ADGRL1: variants seen among roughly 807,000 people sequenced by gnomAD.
ADGRL1 encodes the protein adhesion G protein-coupled receptor L1.
Under a neutral mutation model 148.9 loss-of-function variants are expected in ADGRL1, and 31 were observed. The observed-to-expected ratio is 0.21, with a 90% CI of 0.16 to 0.28. The LOEUF (loss-of-function observed/expected upper bound fraction) is 0.28. Ranked by LOEUF, ADGRL1 falls within the 10% of genes least tolerant of loss-of-function variation. The pLI, the probability that ADGRL1 is intolerant of heterozygous loss-of-function variation, is 1.00. For synonymous variants in ADGRL1, 937 were observed against 900.3 expected (o/e 1.04, Z -0.73); for missense variants, 1,521 against 2,058.8 (o/e 0.74, Z 5.05).
chr19:14,156,440 G>A (rs1403795428), intron 16 of ADGRL1, among the ~76,000 whole-genome samples: 3 of 152,020 alleles, frequency 2.0e-5, no homozygotes, highest in Admixed American at 1.3e-4. Context: ...CACACTAGGG[G>A]CTCAAATCAC....
chr19:14,155,560 C>T lies in ADGRL1; in HGVS notation c.3126-33G>A, dbSNP rs747221598. 5 of 1,610,048 alleles carry T rather than the reference C, an allele frequency of 3.1e-6. No homozygotes were observed. The East Asian group carries it at 6.7e-5, about 22-fold the overall frequency. On this transcript the variant is annotated intron_variant, in intron 17 of 22. Transcript: ENST00000361434. The surrounding 1 kb of genome is among the most constrained non-coding windows in gnomAD (Gnocchi z 5.0). ...TGGGGCGACAGGGGAGTCAAAGTAC[C>T]CGCCGGAGGGGACGGCCTCAGCCCA... is the stretch of plus-strand genomic sequence containing the variant.
intron 4 of ADGRL1, chr19:14,167,180 A>G (rs368952552): frequency 3.0e-5 from 22 of 733,318 alleles, no homozygotes; most frequent in African/African-American, 7.1e-5. Context: ...TGCTTCCCCA[A>G]CCCCTTCCGT....
Position 14,151,168 on chromosome 19 carries a change from G to C in ADGRL1, c.4115C>G (p.Ser1372Cys). ...EDGATSRPLS[S>C]PPGRDSLYAS... Reference sequence around the variant, plus strand: ...ATAGAGGGAGTCCCGGCCAGGAGGGGAGGAGAGGGGCCGGCTGGTGGCGCC... The same window carrying C: ...ATAGAGGGAGTCCCGGCCAGGAGGGCAGGAGAGGGGCCGGCTGGTGGCGCC... The change falls in exon 23 of 23, where the codon TCC becomes TGC. Residue 1372 changes from serine to cysteine, a missense_variant. Coordinates refer to ENST00000361434, the MANE Select transcript of ADGRL1 (RefSeq NM_014921.5). 6.2e-7 allele frequency: 1 copy of C among 1,609,212 alleles called. No individual in the cohort carries two copies. The highest frequency in any genetic ancestry group is 8.5e-7 in the Non-Finnish European group (1 of 1,178,736).
At chr19:14,166,002 G>A (rs1183265137) in intron 4 of ADGRL1, among the ~76,000 whole-genome samples, 5 of 151,990 alleles carry the variant, frequency 3.3e-5, no homozygotes, top group East Asian at 1.9e-4. Context: ...CAGCACCTCC[G>A]CTCCCCCCAA....
Position 14,159,837 on chromosome 19 carries a change from T to A in ADGRL1, c.1801-64A>T. The A allele has an allele frequency of 7.3e-7, 1 of 1,363,752 alleles. No individual in the cohort carries two copies. Among genetic ancestry groups the A allele is most frequent in the Non-Finnish European group, 1.0e-6 (1 of 952,438 alleles). 84.5% of individuals were successfully genotyped at this position (1,363,752 alleles called of 1,614,324 possible). On this transcript the variant is annotated intron_variant, in intron 8 of 22. Transcript: ENST00000361434. This position sits in a 1 kb window ranked among gnomAD's most constrained non-coding sequence, Gnocchi z 6.0. ...GGTGCCGGTTCCCTCACCCTAATAC[T>A]GTCACATCTGGATAGCTCTCTCGTC... is the stretch of plus-strand genomic sequence containing the variant.
Position 14,150,436 on chromosome 19 carries a change from G to A in ADGRL1, c.*437C>T, listed in dbSNP as rs545673893. On this transcript the variant is annotated 3_prime_UTR_variant, in exon 23 of 23. Coordinates refer to ENST00000361434, the MANE Select transcript of ADGRL1 (RefSeq NM_014921.5). ...TGCAGCCGGCAGCATTTCTGGCTGC[G>A]GAGAGGAGCAGCTAACAGGTTCCAT... 66 of 165,446 alleles carry A rather than the reference G, an allele frequency of 4.0e-4. No homozygotes were observed. The highest frequency in any genetic ancestry group is 2.9e-3 in the Middle Eastern group (1 of 342). The allele number at this position is 165,446 out of a possible 1,614,324, so 10.2% of individuals were successfully genotyped here.
At chr19:14,197,383 C>G (rs1005594902) in intron 1 of ADGRL1, among the ~76,000 whole-genome samples, 2 of 152,024 alleles carry the variant, frequency 1.3e-5, no homozygotes, top group African/African-American at 4.8e-5. Flanking sequence ...TCTCCCTCAT[C>G]TCCCCATCTA....
In ADGRL1 at chr19:14,151,361, C is replaced by G; in HGVS notation, c.3922G>C (p.Val1308Leu). ...TCTTCCTCGCCCCCGCCCCCTGGCA[C>G]AGGTGGCACAGGGGGCTCAGGCGGT... Reference protein sequence around the residue: ...PPPPEPPVPPVPGGGGEEEAG... With the variant: ...PPPPEPPVPPLPGGGGEEEAG... The change falls in exon 23 of 23, where the codon GTG becomes CTG. Residue 1308 changes from valine to leucine, a missense_variant. Val to Leu is a conservative substitution (Grantham distance 32). Coordinates refer to ENST00000361434, the MANE Select transcript of ADGRL1 (RefSeq NM_014921.5). 6.2e-7 allele frequency: 1 copy of G among 1,600,646 alleles called. No homozygotes were observed. Among genetic ancestry groups the G allele is most frequent in the Non-Finnish European group, 8.5e-7 (1 of 1,174,446 alleles).
At chr19:14,165,939 T>C (rs1400759667) in intron 4 of ADGRL1, among the ~76,000 whole-genome samples, 1 of 152,040 alleles carries the variant, frequency 6.6e-6, no homozygotes, top group Non-Finnish European at 1.5e-5. Context: ...CCCAAAACTT[T>C]CTGGAGAGGA....
chr19:14,181,200 C>G (rs1195436870), intron 2 of ADGRL1, among the ~76,000 whole-genome samples: 3 of 152,252 alleles, frequency 2.0e-5, no homozygotes, highest in Non-Finnish European at 4.4e-5. Flanking sequence ...GGGGACTTCC[C>G]TAACTTCACC....
intron 3 of ADGRL1, among the ~76,000 whole-genome samples, chr19:14,172,236 A>C (rs1461144934): frequency 6.6e-6 from 1 of 152,168 alleles, no homozygotes; most frequent in Non-Finnish European, 1.5e-5. Context: ...AGCCTGACCA[A>C]CATAGTGAAA....
intron 2 of ADGRL1, among the ~76,000 whole-genome samples, chr19:14,180,370 C>T (rs1339617920): frequency 6.6e-6 from 1 of 152,200 alleles, no homozygotes; most frequent in Non-Finnish European, 1.5e-5. Context: ...ATTCTCCTGC[C>T]TCAGCCTCCC....
chr19:14,185,444 C>A (rs552710506), intron 1 of ADGRL1, among the ~76,000 whole-genome samples: 21 of 152,282 alleles, frequency 1.4e-4, no homozygotes, highest in South Asian at 6.2e-4. Flanking sequence ...CAGGCTCTCG[C>A]CACCACGCCC....
chr19:14,152,185 G>C lies in ADGRL1; in HGVS notation c.3650-35C>G. 6.2e-7 allele frequency: 1 copy of C among 1,614,076 alleles called. No individual in the cohort carries two copies. Among genetic ancestry groups the C allele is most frequent in the Non-Finnish European group, 8.5e-7 (1 of 1,179,994 alleles). ...GCAGCCAGAAGAGAGAAGAGAAAAG[G>C]CAAGGATGAGCTCGAAATGCAAGTC... On this transcript the variant is annotated intron_variant, in intron 21 of 22. Coordinates refer to ENST00000361434, the MANE Select transcript of ADGRL1 (RefSeq NM_014921.5). This position sits in a 1 kb window ranked among gnomAD's most constrained non-coding sequence, Gnocchi z 6.1.
chr19:14,193,393 C>T (rs928645614), intron 1 of ADGRL1, among the ~76,000 whole-genome samples: 2 of 151,872 alleles, frequency 1.3e-5, no homozygotes, highest in Non-Finnish European at 2.9e-5. Flanking sequence ...TTGAGACCAG[C>T]CTGAGCAACA....
chr19:14,151,542 G>A lies in ADGRL1; in HGVS notation c.3741C>T (p.Tyr1247=). The change falls in exon 23 of 23, where the codon TAC becomes TAT. Residue 1247 remains tyrosine (Y), a synonymous_variant. Transcript: ENST00000361434. The part of the protein sequence containing the change: ...LPLNGNFNNS[Y]SLRSGDFPPG... ...GAGGGAAATCCCCACTTCGCAAGGA[G>A]TAACTGTTATTGAAGTTGCCGTTCA... 1 of 1,611,796 alleles carries A rather than the reference G, an allele frequency of 6.2e-7. No homozygotes were observed. The highest frequency in any genetic ancestry group is 8.5e-7 in the Non-Finnish European group (1 of 1,179,378).
chr19:14,195,669 G>A (rs1351760530), intron 1 of ADGRL1, among the ~76,000 whole-genome samples: 5 of 152,168 alleles, frequency 3.3e-5, no homozygotes, highest in South Asian at 2.1e-4. Context: ...TAAGGAAGCC[G>A]CAGGCCCTGG....
intron 3 of ADGRL1, among the ~76,000 whole-genome samples, chr19:14,177,145 C>T (rs560402789): frequency 3.3e-5 from 5 of 152,204 alleles, no homozygotes; most frequent in South Asian, 2.1e-4. Flanking sequence ...GCAGAAGAAT[C>T]GCCTAAACCC....
chr19:14,151,630 G>C lies in ADGRL1; in HGVS notation c.3668-15C>G. ...CAAGGGGTGCTCTGCAGGGCAGAAA[G>C]GGGCTGGTCAGGTTGAAGAGGGGCC... On this transcript the variant is annotated splice_polypyrimidine_tract_variant and intron_variant, in intron 22 of 22. Coordinates refer to ENST00000361434, the MANE Select transcript of ADGRL1 (RefSeq NM_014921.5). 6.3e-7 allele frequency: 1 copy of C among 1,576,048 alleles called. No homozygotes were observed. The highest frequency in any genetic ancestry group is 8.6e-7 in the Non-Finnish European group (1 of 1,169,354).
Sources: gnomAD v4.1 joint callset for allele counts (sites outside exome capture counted in the v4.1 genomes callset) on GRCh38, gnomAD v4.1.1 for gene constraint, Gnocchi (gnomAD v3.1) non-coding constraint, MANE v1.5 for transcripts, NCBI Gene and HGNC (gene_info 2026-07-23, HGNC 2026-07-21) for gene names.